The following OR9I1 variants were observed in gnomAD, a reference collection of about 807,000 sequenced individuals.
The protein encoded by OR9I1 is olfactory receptor family 9 subfamily I member 1.
Under a neutral mutation model 11.2 loss-of-function variants are expected in OR9I1, and 7 were observed. That is an observed-to-expected ratio of 0.62 (90% CI 0.36 to 1.17). The LOEUF is 1.17. Ranked by LOEUF, OR9I1 falls within the 50% of genes most tolerant of loss-of-function variation. OR9I1 has a pLI of 0.02. For missense variants in OR9I1, 428 were observed against 377.2 expected, an observed-to-expected ratio of 1.13 and a Z score of -1.12; for synonymous variants, 165 against 153.4, an observed-to-expected ratio of 1.08 and a Z score of -0.56.
rs1853966114 is a variant in OR9I1, at chr11:58,117,354, C to T, written c.*1146G>A. On this transcript the variant is annotated 3_prime_UTR_variant, in exon 3 of 3. Coordinates refer to ENST00000641439, the MANE Select transcript of OR9I1 (RefSeq NM_001005211.2). Reference sequence around the variant, plus strand: ...CAAGCCTGACTCCATCCCTTGTCTACTGCTGTATACTCCGAGTACTCTTTG... The same window carrying T: ...CAAGCCTGACTCCATCCCTTGTCTATTGCTGTATACTCCGAGTACTCTTTG... The T allele has an allele frequency of 1.3e-5, 2 of 152,164 alleles. No homozygotes were observed. The highest frequency in any genetic ancestry group is 1.3e-4 in the Admixed American group (2 of 15,268). 9.4% of individuals were successfully genotyped at this position (152,164 alleles called of 1,614,324 possible).
intron 2 of OR9I1, among the ~76,000 whole-genome samples, chr11:58,123,427 G>A (rs955150198): frequency 6.6e-6 from 1 of 152,126 alleles, no homozygotes. Flanking sequence ...TCTCTGATTA[G>A]AGACACAATT....
chr11:58,120,396 G>A (rs894240576), intron 2 of OR9I1, among the ~76,000 whole-genome samples: 1 of 151,792 alleles, frequency 6.6e-6, no homozygotes, highest in Admixed American at 6.6e-5. Flanking sequence ...TGTCATAGGG[G>A]TCTTTTAATT....
In OR9I1 at chr11:58,117,640, A is replaced by G. The variant is rs1853969880; in HGVS notation, c.*860T>C. On this transcript the variant is annotated 3_prime_UTR_variant, in exon 3 of 3. Coordinates refer to ENST00000641439, the MANE Select transcript of OR9I1 (RefSeq NM_001005211.2). Reference sequence around the variant, plus strand: ...TAATATGGGGTTCAGTTGTCTTTCTATTTATCTGTTGGTGCTCTCTGATTT... The same window carrying G: ...TAATATGGGGTTCAGTTGTCTTTCTGTTTATCTGTTGGTGCTCTCTGATTT... 6.6e-6 allele frequency: 1 copy of G among 152,096 alleles called. No homozygotes were observed. The highest frequency in any genetic ancestry group is 2.1e-4 in the South Asian group (1 of 4,816). The allele number at this position is 152,096 out of a possible 1,614,324, so 9.4% of individuals were successfully genotyped here.
rs981166685 is a variant in OR9I1, at chr11:58,118,626, G to A, written c.819C>T (p.Val273=). 3.9e-5 allele frequency: 63 copies of A among 1,613,834 alleles called. No individual in the cohort carries two copies. The highest frequency in any genetic ancestry group is 4.9e-5 in the Non-Finnish European group (58 of 1,179,922). Residue 273 remains valine (V), a synonymous_variant, in exon 3 of 3, where the codon GTC becomes GTT. Coordinates refer to ENST00000641439, the MANE Select transcript of OR9I1 (RefSeq NM_001005211.2). ...TGACCACTGTATAGAAGACAGACAC[G>A]ACTTTGTCTTCCTCCAGAGATTTGC... The part of the protein sequence containing the change: ...GSGKSLEEDK[V]VSVFYTVVIP...
intron 2 of OR9I1, among the ~76,000 whole-genome samples, 165 bp downstream of exon 2, chr11:58,124,272 GA>G (rs1854066815): frequency 1.3e-5 from 2 of 152,168 alleles, no homozygotes; most frequent in African/African-American, 4.8e-5. Flanking sequence ...ACTCTTTTAA[GA>G]AAGCCTAGGA....
chr11:58,119,774 A>G lies in OR9I1; in HGVS notation c.-22-308T>C, dbSNP rs141657148. ...CAGTCCCATCTGGGGCTGGAGTCTC[A>G]CTTACCATATACCCACCACACGGTC... On this transcript the variant is annotated intron_variant, in intron 2 of 2. Transcript: ENST00000641439. Among the ~76,000 whole-genome samples, 415 of 152,246 alleles carry G rather than the reference A, an allele frequency of 2.7e-3. 3 individuals carry two copies. The highest frequency in any genetic ancestry group is 5.6e-3 in the South Asian group (27 of 4,822).
chr11:58,122,679 T>C (rs1854046267), intron 2 of OR9I1, among the ~76,000 whole-genome samples: 1 of 152,182 alleles, frequency 6.6e-6, no homozygotes, highest in South Asian at 2.1e-4. Flanking sequence ...TCATCATTGG[T>C]CAGGGCAAGG....
intron 2 of OR9I1, among the ~76,000 whole-genome samples, 176 bp downstream of exon 2, chr11:58,124,262 A>G (rs1384447931): frequency 6.6e-6 from 1 of 152,104 alleles, no homozygotes; most frequent in African/African-American, 2.4e-5. Flanking sequence ...ATGGCCAGTG[A>G]CTCTTTTAAG....
Position 58,119,477 on chromosome 11 carries a change from T to C in OR9I1, c.-22-11A>G, listed in dbSNP as rs779500480. ...ATGTGGACTGTTGGTCTGAGGATGATAATGAAATAAAAAGAATCTCAGAAT... is the reference window on the plus strand; with the variant it reads ...ATGTGGACTGTTGGTCTGAGGATGACAATGAAATAAAAAGAATCTCAGAAT... On this transcript the variant is annotated splice_polypyrimidine_tract_variant and intron_variant, in intron 2 of 2. Transcript: ENST00000641439. 6 of 1,319,188 alleles carry C rather than the reference T, an allele frequency of 4.5e-6. No homozygotes were observed. The highest frequency in any genetic ancestry group is 2.3e-5 in the East Asian group (1 of 43,006). The allele number at this position is 1,319,188 out of a possible 1,614,324, so 81.7% of individuals were successfully genotyped here.
chr11:58,122,619 C>T (rs538905600), intron 2 of OR9I1, among the ~76,000 whole-genome samples: 1 of 152,140 alleles, frequency 6.6e-6, no homozygotes, highest in South Asian at 2.1e-4. Context: ...TATTTTGGGG[C>T]CTTAGGTAGA....
At chr11:58,122,351 G>A (rs954355365) in intron 2 of OR9I1, among the ~76,000 whole-genome samples, 2 of 152,322 alleles carry the variant, frequency 1.3e-5, no homozygotes, top group South Asian at 4.1e-4. Context: ...TCATGGTATG[G>A]TTCAAGCTCT....
chr11:58,121,569 A>T (rs1854032879), intron 2 of OR9I1, among the ~76,000 whole-genome samples: 1 of 152,190 alleles, frequency 6.6e-6, no homozygotes, highest in African/African-American at 2.4e-5. Flanking sequence ...AGATTCCATT[A>T]TCCTACACTG....
intron 2 of OR9I1, among the ~76,000 whole-genome samples, chr11:58,120,387 G>A (rs754350495): frequency 2.0e-5 from 3 of 151,962 alleles, no homozygotes; most frequent in Admixed American, 6.6e-5. Flanking sequence ...ATATGCTTAT[G>A]TCATAGGGGT....
Position 58,118,452 on chromosome 11 carries a change from TC to T in OR9I1, c.*47del. On this transcript the variant is annotated 3_prime_UTR_variant, in exon 3 of 3. Transcript: ENST00000641439. ...AGTAATGGTGCCTATTAGGATATATTCATATGGGAAGAAAGTGGACTAAAAC... is the reference window on the plus strand; with the variant it reads ...AGTAATGGTGCCTATTAGGATATATTATATGGGAAGAAAGTGGACTAAAAC... The T allele has an allele frequency of 8.0e-7, 1 of 1,249,386 alleles. No homozygotes were observed. The highest frequency in any genetic ancestry group is 1.1e-6 in the Non-Finnish European group (1 of 887,860). The allele number at this position is 1,249,386 out of a possible 1,614,324, so 77.4% of individuals were successfully genotyped here.
intron 2 of OR9I1, among the ~76,000 whole-genome samples, chr11:58,122,837 T>G (rs1460075656): frequency 1.3e-5 from 2 of 152,174 alleles, no homozygotes; most frequent in African/African-American, 4.8e-5. Context: ...TAGAAATATA[T>G]GTATATTAAA....
intron 2 of OR9I1, among the ~76,000 whole-genome samples, chr11:58,121,057 C>T (rs1158446575): frequency 6.6e-6 from 1 of 151,856 alleles, no homozygotes; most frequent in African/African-American, 2.4e-5. Flanking sequence ...TATGTACATG[C>T]CATACACAAA....
At chr11:58,119,986 C>T (rs1196791218) in intron 2 of OR9I1, among the ~76,000 whole-genome samples, 1 of 152,182 alleles carries the variant, frequency 6.6e-6, no homozygotes, top group Non-Finnish European at 1.5e-5. Flanking sequence ...ATCTGCTCTT[C>T]CTGCCCACCA....
At position 58,117,880 on chromosome 11, in the gene OR9I1, T is replaced by C. The variant is rs1459561580; in HGVS notation, c.*620A>G. On this transcript the variant is annotated 3_prime_UTR_variant, in exon 3 of 3. Coordinates refer to ENST00000641439, the MANE Select transcript of OR9I1 (RefSeq NM_001005211.2). ...GTAAGGTACCAAGTGATAAGGAAAA[T>C]TTCAAGTTCTATTGTTCTGGCCTGA... 6.6e-6 allele frequency: 1 copy of C among 151,542 alleles called. No homozygotes were observed. Among genetic ancestry groups the C allele is most frequent in the Non-Finnish European group, 1.5e-5 (1 of 67,910 alleles). 9.4% of individuals were successfully genotyped at this position (151,542 alleles called of 1,614,324 possible).
chr11:58,125,246 C>G (rs574408832), intron 1 of OR9I1, 28 bp downstream of exon 1: 2 of 121,076 alleles, frequency 1.7e-5, no homozygotes, highest in South Asian at 3.5e-4. Context: ...ACCGCCCCCC[C>G]CCCAAAAAAA....
Sources: allele counts gnomAD v4.1 joint callset (sites outside exome capture counted in the v4.1 genomes callset), GRCh38; gene constraint gnomAD v4.1.1; transcripts MANE v1.5; gene names NCBI Gene and HGNC (gene_info 2026-07-23, HGNC 2026-07-21).